The following ACACA variants were observed in gnomAD, a reference collection of about 807,000 sequenced individuals.
The protein encoded by ACACA is acetyl-CoA carboxylase 1.
In ACACA, 103 loss-of-function variants were observed where a neutral mutation model predicts 296.1. That is an observed-to-expected ratio of 0.35 (90% CI 0.30 to 0.41). The LOEUF (loss-of-function observed/expected upper bound fraction) is 0.41, where lower values mean the gene tolerates loss of function less well. Ranked by LOEUF, ACACA falls within the 10% of genes least tolerant of loss-of-function variation. The pLI is 1.00. For missense variants in ACACA, 1,554 were observed against 2,989.7 expected, an observed-to-expected ratio of 0.52 and a Z score of 11.20; for synonymous variants, 953 against 1,038.6, an observed-to-expected ratio of 0.92 and a Z score of 1.58.
intron 3 of ACACA, among the ~76,000 whole-genome samples, chr17:37,300,113 G>C (rs867422352): frequency 1.3e-5 from 2 of 152,092 alleles, no homozygotes; most frequent in Non-Finnish European, 2.9e-5. Flanking sequence ...AATGGAGCTG[G>C]TACAAAACGG....
intron 1 of ACACA, among the ~76,000 whole-genome samples, chr17:37,404,421 C>T (rs73287107): frequency 0.047 from 7,093 of 152,066 alleles, 528 homozygotes; most frequent in African/African-American, 0.15. Context: ...GGTCTCGATA[C>T]GTTGCCTAGA....
rs1489091855 is a variant in ACACA at position 37,406,601 on chromosome 17, G to A, written c.-302C>T. On this transcript the variant is annotated 5_prime_UTR_variant, in exon 1 of 56. Coordinates refer to ENST00000616317, the MANE Select transcript of ACACA (RefSeq NM_198834.3). ...GCTCGGCCCGCCTCACCGCACTCCG[G>A]AGGGGACCAAACAGCCCCACGCGCC... The A allele has an allele frequency of 1.1e-5, 6 of 559,404 alleles. No homozygotes were observed. The highest frequency in any genetic ancestry group is 7.6e-5 in the African/African-American group (4 of 52,936). The allele number at this position is 559,404 out of a possible 1,614,324, so 34.7% of individuals were successfully genotyped here.
intron 1 of ACACA, among the ~76,000 whole-genome samples, chr17:37,378,554 G>A (rs1475032521): frequency 6.6e-6 from 1 of 151,846 alleles, no homozygotes; most frequent in Admixed American, 6.6e-5. Context: ...CTCTACTAAA[G>A]ATACAAAAAT....
Position 37,325,579 on chromosome 17 carries a change from C to CTTTTT in ACACA, c.338+4589_338+4593dup, listed in dbSNP as rs1156553256. The stretch of plus-strand genomic sequence containing the variant: ...CTTAGGGTCTTATTTTCTTTTCTTT[C>CTTTTT]TTTTTTTTTTTTTTTTTTTTTTTTT... On this transcript the variant is annotated intron_variant, in intron 3 of 55. Transcript: ENST00000616317. Among the ~76,000 whole-genome samples, 587 of 67,938 alleles carry CTTTTT rather than the reference C, an allele frequency of 8.6e-3. 11 individuals are homozygous for CTTTTT. The highest frequency in any genetic ancestry group is 0.013 in the African/African-American group (191 of 14,450). 44.6% of individuals were successfully genotyped at this position (67,938 alleles called of 152,430 possible).
At position 37,089,040 on chromosome 17, in the gene ACACA, T is replaced by C; in HGVS notation, c.6926A>G (p.Glu2309Gly). The change falls in exon 55 of 56, where the codon GAG (glutamate) becomes GGG (glycine). Residue 2309 changes from glutamate (E) to glycine (G), a missense_variant. Glu to Gly is a moderately conservative substitution (Grantham distance 98). This residue lies in a region of ACACA where 553 missense variants were observed against 1,043.6 expected (regional missense o/e 0.53). Coordinates refer to ENST00000616317, the MANE Select transcript of ACACA (RefSeq NM_198834.3). ...CTCTGTCAGCTGTTTCTCTAGCCAC[T>C]CCGCCAGATCCTTATTATTGTCCCA... ...YVWDNNKDLA[E>G]WLEKQLTEED... The C allele has an allele frequency of 6.2e-7, 1 of 1,614,206 alleles. No individual in the cohort carries two copies. Among genetic ancestry groups the C allele is most frequent in the Non-Finnish European group, 8.5e-7 (1 of 1,180,034 alleles).
intron 3 of ACACA, among the ~76,000 whole-genome samples, chr17:37,302,359 G>A (rs1168914489): frequency 6.6e-6 from 1 of 152,054 alleles, no homozygotes; most frequent in Non-Finnish European, 1.5e-5. Flanking sequence ...ACAGGTGACT[G>A]CCACCATGCC....
At chr17:37,215,393 TAA>T (rs932799216) in intron 29 of ACACA, among the ~76,000 whole-genome samples, 6 of 152,150 alleles carry the variant, frequency 3.9e-5, no homozygotes, top group Non-Finnish European at 5.9e-5. Context: ...GAGTAAAGGT[TAA>T]AAAGATTACT....
chr17:37,381,186 T>C (rs962518000), intron 1 of ACACA, among the ~76,000 whole-genome samples: 7 of 151,972 alleles, frequency 4.6e-5, no homozygotes, highest in African/African-American at 7.3e-5. Flanking sequence ...TTTGTTGTTG[T>C]TGTTGTTGTT....
intron 24 of ACACA, 23 bp from the exon 25 acceptor site, chr17:37,235,122 G>C: frequency 6.2e-7 from 1 of 1,612,466 alleles, no homozygotes; most frequent in Non-Finnish European, 8.5e-7. Flanking sequence ...AAAAGAACTG[G>C]TTCTCACCCA....
chr17:37,339,877 G>T lies in ACACA; in HGVS notation c.39-27C>A. On this transcript the variant is annotated intron_variant, in intron 1 of 55. Coordinates refer to ENST00000616317, the MANE Select transcript of ACACA (RefSeq NM_198834.3). ...TAGAGAGAAAGAGAAAGATTTTAAG[G>T]TTTTTTTTTTTAAGAAACAAACTTT... The T allele has an allele frequency of 1.2e-5, 11 of 940,192 alleles. No individual in the cohort carries two copies. The East Asian group carries it at 2.2e-4, about 19-fold the overall frequency. The allele number at this position is 940,192 out of a possible 1,614,324, so 58.2% of individuals were successfully genotyped here. A position where few individuals can be genotyped will look rare whatever the true frequency, so the allele number is the denominator to read the frequency against.
At chr17:37,244,456 T>A in intron 21 of ACACA, 132 bp downstream of exon 21, 2 of 1,055,122 alleles carry the variant, frequency 1.9e-6, no homozygotes, top group Non-Finnish European at 2.9e-6. Flanking sequence ...GTCCCACAAC[T>A]GAAGGTGAAA....
At chr17:37,256,214 T>C (rs2081220881) in intron 14 of ACACA, among the ~76,000 whole-genome samples, 1 of 152,200 alleles carries the variant, frequency 6.6e-6, no homozygotes, top group Non-Finnish European at 1.5e-5. Flanking sequence ...CACATCTGTA[T>C]GTTGAGACTC....
intron 1 of ACACA, chr17:37,377,900 G>A (rs774112283): frequency 1.6e-5 from 26 of 1,611,952 alleles, no homozygotes; most frequent in Admixed American, 6.7e-5. Flanking sequence ...AGCAGTTGCC[G>A]ACTGGAACAG....
chr17:37,289,966 A>T (rs1170232476), intron 3 of ACACA, among the ~76,000 whole-genome samples: 1 of 152,088 alleles, frequency 6.6e-6, no homozygotes, highest in African/African-American at 2.4e-5. Flanking sequence ...ACTCTTATTC[A>T]TCCCTTGAGG....
chr17:37,132,409 C>T (rs925896868), intron 45 of ACACA, among the ~76,000 whole-genome samples: 1 of 152,194 alleles, frequency 6.6e-6, no homozygotes, highest in Non-Finnish European at 1.5e-5. Flanking sequence ...ACAGAGGCCA[C>T]GCTCTGATCT....
intron 42 of ACACA, among the ~76,000 whole-genome samples, chr17:37,159,419 G>C (rs1162116838): frequency 1.3e-5 from 2 of 151,884 alleles, no homozygotes; most frequent in Non-Finnish European, 2.9e-5. Flanking sequence ...ATGGTATTTC[G>C]CTATGTTAGC....
chr17:37,379,267 T>C (rs372117169), intron 1 of ACACA: 5 of 1,613,898 alleles, frequency 3.1e-6, no homozygotes, highest in Non-Finnish European at 4.2e-6. Flanking sequence ...AGGTCAAGCA[T>C]ATTTTGAAGA....
In ACACA at chr17:37,260,296, ATTTT is replaced by A. The variant is rs1165828702; in HGVS notation, c.1330-770_1330-767del. Among the ~76,000 whole-genome samples, 122 of 18,880 alleles carry A rather than the reference ATTTT, an allele frequency of 6.5e-3. 3 individuals are homozygous for A. The highest frequency in any genetic ancestry group is 0.018 in the East Asian group (8 of 444). The allele number at this position is 18,880 out of a possible 152,430, so 12.4% of individuals were successfully genotyped here. On this transcript the variant is annotated intron_variant, in intron 11 of 55. Transcript: ENST00000616317. ...TATATATATATATATATATATATAT[ATTTT>A]TTTTTTTTTTTTTTTTGGAGATGGA...
intron 3 of ACACA, among the ~76,000 whole-genome samples, chr17:37,285,841 T>C (rs920032027): frequency 7.2e-5 from 11 of 151,828 alleles, no homozygotes; most frequent in Admixed American, 3.3e-4. Context: ...AAAAAAAAAA[T>C]CTGAAATTGG....
Sources: gnomAD v4.1 joint callset for allele counts (sites outside exome capture counted in the v4.1 genomes callset) on GRCh38, gnomAD v4.1.1 for gene constraint, gnomAD v4.1.1 regional missense constraint, MANE v1.5 for transcripts, NCBI Gene and HGNC (gene_info 2026-07-23, HGNC 2026-07-21) for gene names.